The following TENM2 variants were observed in gnomAD, a reference collection of about 807,000 sequenced individuals.
TENM2 encodes the protein teneurin transmembrane protein 2, also known as teneurin-2.
TENM2 carries 52 observed loss-of-function variants against 245.2 expected under a neutral mutation model. That is an observed-to-expected ratio of 0.21 (90% CI 0.17 to 0.27). The LOEUF is 0.27. Among genes scored for constraint, TENM2 ranks in the 10% least tolerant of loss-of-function variants. The pLI, the probability that TENM2 is intolerant of heterozygous loss-of-function variation, is 1.00. For missense variants in TENM2, 3,046 were observed against 3,666.8 expected, an observed-to-expected ratio of 0.83 and a Z score of 4.37; for synonymous variants, 1,363 against 1,438.9, an observed-to-expected ratio of 0.95 and a Z score of 1.19.
chr5:167,846,321 A>G lies in TENM2; in HGVS notation c.503-29665A>G, dbSNP rs1054860254. ...GAAGTGTTAGTAAACACACACTACA[A>G]CACAACTTAGAAAAGTGCTCAGTCC... On this transcript the variant is annotated intron_variant, in intron 2 of 28. Transcript: ENST00000518659. Among the ~76,000 whole-genome samples the G allele has an allele frequency of 4.5e-4, 68 of 152,256 alleles. 1 individual carries two copies. The highest frequency in any genetic ancestry group is 1.5e-4 in the Non-Finnish European group (10 of 68,050).
chr5:167,357,716 T>C (rs879663820), intron 1 of TENM2, among the ~76,000 whole-genome samples: 1 of 152,170 alleles, frequency 6.6e-6, no homozygotes, highest in South Asian at 2.1e-4. Context: ...GATAATAAAT[T>C]TGTTCTCATA....
the TENM2 span, among the ~76,000 whole-genome samples, chr5:167,239,531 A>G: frequency 7.9e-4 from 121 of 152,266 alleles, no homozygotes; most frequent in African/African-American, 2.9e-3. Context: ...CGGTTGCCAT[A>G]GTGTCGGAAC....
chr5:167,643,737 T>C (rs1779752502), intron 2 of TENM2, among the ~76,000 whole-genome samples: 1 of 152,138 alleles, frequency 6.6e-6, no homozygotes, highest in African/African-American at 2.4e-5. Flanking sequence ...TCACAATAGA[T>C]TATTCGAACC....
chr5:167,836,393 T>G (rs1334627540), intron 2 of TENM2, among the ~76,000 whole-genome samples: 1 of 152,156 alleles, frequency 6.6e-6, no homozygotes, highest in Non-Finnish European at 1.5e-5. Context: ...TAAGACCACT[T>G]GAGAATGCCA....
At chr5:166,998,427 A>C in the TENM2 span, among the ~76,000 whole-genome samples, 1 of 152,312 alleles carries the variant, frequency 6.6e-6, no homozygotes, top group Non-Finnish European at 1.5e-5. Context: ...CTGTACCTAA[A>C]TTACACCTGG....
intron 2 of TENM2, among the ~76,000 whole-genome samples, chr5:167,519,252 C>A (rs1197713531): frequency 6.6e-6 from 1 of 152,094 alleles, no homozygotes; most frequent in Non-Finnish European, 1.5e-5. Context: ...AGACAGAAAT[C>A]ATCAATATCT....
intron 3 of TENM2, among the ~76,000 whole-genome samples, chr5:167,887,106 G>A (rs1437870060): frequency 6.6e-6 from 1 of 152,154 alleles, no homozygotes; most frequent in Non-Finnish European, 1.5e-5. Flanking sequence ...CATTTCCTCA[G>A]AGCTTTCCCA....
intron 2 of TENM2, among the ~76,000 whole-genome samples, chr5:167,601,521 C>G (rs1424002577): frequency 6.6e-6 from 1 of 152,208 alleles, no homozygotes; most frequent in Non-Finnish European, 1.5e-5. Flanking sequence ...TTTAATTTAA[C>G]ATTTACTCCG....
chr5:167,373,814 CTA>C (rs1760583447), intron 1 of TENM2, among the ~76,000 whole-genome samples: 1 of 152,214 alleles, frequency 6.6e-6, no homozygotes, highest in Admixed American at 6.5e-5. Flanking sequence ...ATGTCAACAC[CTA>C]AAATGCTGGG....
At chr5:167,614,764 G>T (rs1054643897) in intron 2 of TENM2, among the ~76,000 whole-genome samples, 20 of 152,074 alleles carry the variant, frequency 1.3e-4, no homozygotes, top group African/African-American at 4.3e-4. Context: ...AATGGGGATT[G>T]CTGGGAGAAT....
At chr5:168,057,537 A>G (rs1033220618) in intron 6 of TENM2, among the ~76,000 whole-genome samples, 17 of 152,200 alleles carry the variant, frequency 1.1e-4, no homozygotes, top group Admixed American at 1.3e-4. Context: ...GAAATTCAAC[A>G]TAATCATTCA....
At chr5:167,977,158 T>C (rs1041962786) in intron 4 of TENM2, among the ~76,000 whole-genome samples, 5 of 152,038 alleles carry the variant, frequency 3.3e-5, no homozygotes, top group African/African-American at 9.7e-5. Flanking sequence ...CAACAGACAC[T>C]GGGTCCTACT....
chr5:167,495,352 T>C (rs1468933534), intron 2 of TENM2, among the ~76,000 whole-genome samples: 1 of 151,944 alleles, frequency 6.6e-6, no homozygotes, highest in Admixed American at 6.6e-5. Flanking sequence ...TCTTTGGGGC[T>C]GTTTCCTCAG....
chr5:167,577,752 A>G (rs1173072049), intron 2 of TENM2, among the ~76,000 whole-genome samples: 1 of 152,018 alleles, frequency 6.6e-6, no homozygotes, highest in Non-Finnish European at 1.5e-5. Flanking sequence ...ACTATATTCA[A>G]AGTACGATGA....
chr5:167,507,077 T>A (rs1769607078), intron 2 of TENM2, among the ~76,000 whole-genome samples: 2 of 152,338 alleles, frequency 1.3e-5, no homozygotes, highest in South Asian at 4.1e-4. Context: ...TAATTGGATT[T>A]CTGTATGTTT....
chr5:167,999,858 G>A (rs1033450443), intron 5 of TENM2, among the ~76,000 whole-genome samples: 1 of 152,240 alleles, frequency 6.6e-6, no homozygotes, highest in African/African-American at 2.4e-5. Context: ...GTAATACAGA[G>A]CCAGAGAGGA....
chr5:167,850,956 G>C (rs1257473962), intron 2 of TENM2, among the ~76,000 whole-genome samples: 1 of 152,160 alleles, frequency 6.6e-6, no homozygotes. Flanking sequence ...TCACGAAGCT[G>C]TAATCTTTCC....
At chr5:167,897,491 C>A (rs1328697550) in intron 3 of TENM2, among the ~76,000 whole-genome samples, 1 of 152,228 alleles carries the variant, frequency 6.6e-6, no homozygotes, top group Non-Finnish European at 1.5e-5. Flanking sequence ...CCCATTCCAG[C>A]TTGTATTCAT....
intron 1 of TENM2, among the ~76,000 whole-genome samples, chr5:167,315,378 A>G (rs1275672688): frequency 6.6e-6 from 1 of 152,152 alleles, no homozygotes; most frequent in Non-Finnish European, 1.5e-5. Context: ...ATTAGATAAC[A>G]TGACTGTTTT....
Sources: gnomAD v4.1 joint callset for allele counts (sites outside exome capture counted in the v4.1 genomes callset) on GRCh38, gnomAD v4.1.1 for gene constraint, MANE v1.5 for transcripts, NCBI Gene and HGNC (gene_info 2026-07-23, HGNC 2026-07-21) for gene names.